LYPD6B: variants seen among roughly 807,000 people sequenced by gnomAD.
LYPD6B encodes LY6/PLAUR domain containing 6B, also known as ly6/PLAUR domain-containing protein 6B.
In LYPD6B, 17 loss-of-function variants were observed where a neutral mutation model predicts 22.8. The ratio of observed to expected loss-of-function variants is 0.75; its 90% CI spans 0.51 to 1.12. LYPD6B has a LOEUF of 1.12. Ranked by LOEUF, LYPD6B falls within the 50% of genes most tolerant of loss-of-function variation. The pLI, the probability that LYPD6B is intolerant of heterozygous loss-of-function variation, is 0.00. For synonymous variants in LYPD6B, 106 were observed against 91.6 expected (o/e 1.16, Z -0.90); for missense variants, 221 against 258.3 (o/e 0.86, Z 0.99).
intron 3 of LYPD6B, among the ~76,000 whole-genome samples, chr2:149,179,645 A>T (rs1691569558): frequency 6.6e-6 from 1 of 152,240 alleles, no homozygotes. Flanking sequence ...CAGTTCGCAG[A>T]GACCTGCTAA....
At chr2:149,129,808 T>C (rs546039179) in intron 1 of LYPD6B, among the ~76,000 whole-genome samples, 1 of 152,350 alleles carries the variant, frequency 6.6e-6, no homozygotes, top group Admixed American at 6.5e-5. Flanking sequence ...ATCTTTGTAT[T>C]GTTCATTTCT....
At chr2:149,131,321 T>G in intron 2 of LYPD6B, 1 of 211,328 alleles carries the variant, frequency 4.7e-6, no homozygotes, top group Non-Finnish European at 9.3e-6. Context: ...AGTCCTAATC[T>G]TGTGGTTCTG....
chr2:149,214,922 G>T lies in LYPD6B; in HGVS notation c.*212G>T, dbSNP rs984891688. The T allele has an allele frequency of 5.2e-6, 3 of 571,976 alleles. No homozygotes were observed. Among genetic ancestry groups the T allele is most frequent in the Non-Finnish European group, 9.3e-6 (3 of 322,278 alleles). 35.4% of individuals were successfully genotyped at this position (571,976 alleles called of 1,614,324 possible). Reference sequence around the variant, plus strand: ...GAATTTGGCAGGGCCTGAGAAGATGGTCTGACTTCCAGGCTTCCTGGTCAA... The same window carrying T: ...GAATTTGGCAGGGCCTGAGAAGATGTTCTGACTTCCAGGCTTCCTGGTCAA... On this transcript the variant is annotated 3_prime_UTR_variant, in exon 7 of 7. Coordinates refer to ENST00000409642, the MANE Select transcript of LYPD6B (RefSeq NM_177964.5).
intron 1 of LYPD6B, among the ~76,000 whole-genome samples, chr2:149,091,112 G>C (rs1379097659): frequency 3.3e-5 from 5 of 151,962 alleles, no homozygotes; most frequent in Non-Finnish European, 7.4e-5. Flanking sequence ...TAGCTTTGGG[G>C]GAACTCTTGA....
intron 1 of LYPD6B, 57 bp from the exon 2 acceptor site, chr2:149,130,826 A>G (rs1464037824): frequency 2.6e-6 from 2 of 777,232 alleles, no homozygotes; most frequent in Middle Eastern, 2.3e-4. Context: ...AAATCCCTTT[A>G]TCCCAAATGT....
At chr2:149,145,317 G>A (rs1306034628) in intron 2 of LYPD6B, among the ~76,000 whole-genome samples, 5 of 152,154 alleles carry the variant, frequency 3.3e-5, no homozygotes, top group Non-Finnish European at 7.3e-5. Context: ...ACATGCAGTT[G>A]CGCTCTTGAG....
At chr2:149,189,580 T>C (rs769877490) in intron 3 of LYPD6B, among the ~76,000 whole-genome samples, 2 of 151,774 alleles carry the variant, frequency 1.3e-5, no homozygotes, top group Non-Finnish European at 2.9e-5. Context: ...AAAAAGTTGG[T>C]GCCTGTTGGT....
intron 1 of LYPD6B, among the ~76,000 whole-genome samples, chr2:149,060,694 C>G (rs995521867): frequency 1.3e-5 from 2 of 152,118 alleles, no homozygotes; most frequent in African/African-American, 2.4e-5. Flanking sequence ...AGGAAACTTG[C>G]AATCCTCTTA....
intron 4 of LYPD6B, 65 bp from the exon 5 acceptor site, chr2:149,208,249 A>G: frequency 3.7e-6 from 4 of 1,095,384 alleles, no homozygotes; most frequent in South Asian, 1.3e-5. Flanking sequence ...ATTTTGTACC[A>G]TGTTTGATGT....
intron 3 of LYPD6B, among the ~76,000 whole-genome samples, chr2:149,181,497 GATT>G (rs1691717226): frequency 6.6e-6 from 1 of 152,130 alleles, no homozygotes; most frequent in Non-Finnish European, 1.5e-5. Flanking sequence ...CTCTCTGCTG[GATT>G]CCAGAAACCC....
intron 3 of LYPD6B, among the ~76,000 whole-genome samples, chr2:149,176,024 G>A (rs944426661): frequency 1.3e-5 from 2 of 152,184 alleles, no homozygotes; most frequent in Non-Finnish European, 2.9e-5. Flanking sequence ...ACATCAGCCA[G>A]TAACATAGTC....
intron 1 of LYPD6B, among the ~76,000 whole-genome samples, chr2:149,084,107 A>AAT (rs1399394433): frequency 6.6e-6 from 1 of 151,902 alleles, no homozygotes; most frequent in African/African-American, 2.4e-5. Flanking sequence ...TCAAAAATAA[A>AAT]ATAAAATAAA....
intron 3 of LYPD6B, among the ~76,000 whole-genome samples, chr2:149,189,887 T>A (rs11676178): frequency 0.3 from 45,710 of 152,118 alleles, 8,667 homozygotes; most frequent in East Asian, 0.56. Flanking sequence ...TTGTACCATC[T>A]GCTGTTTGAA....
intron 3 of LYPD6B, among the ~76,000 whole-genome samples, chr2:149,183,601 T>G (rs1044978487): frequency 6.6e-6 from 1 of 152,162 alleles, no homozygotes; most frequent in Non-Finnish European, 1.5e-5. Context: ...ATTACTGGCA[T>G]TTTAGAATAC....
chr2:149,129,362 A>G (rs546826044), intron 1 of LYPD6B, among the ~76,000 whole-genome samples: 1 of 152,212 alleles, frequency 6.6e-6, no homozygotes, highest in South Asian at 2.1e-4. Flanking sequence ...ATGTTTCTTG[A>G]GAGTGTGGCC....
At chr2:149,065,975 G>T (rs907071109) in intron 1 of LYPD6B, among the ~76,000 whole-genome samples, 1 of 152,034 alleles carries the variant, frequency 6.6e-6, no homozygotes, top group Non-Finnish European at 1.5e-5. Flanking sequence ...GCTTCCCAAA[G>T]TGTCGGGATT....
At chr2:149,187,324 G>A in intron 3 of LYPD6B, 2 of 1,244,044 alleles carry the variant, frequency 1.6e-6, no homozygotes, top group South Asian at 3.9e-5. Context: ...GAAGTGTATT[G>A]CATATATTTA....
chr2:149,053,964 G>A (rs996091434), intron 1 of LYPD6B, among the ~76,000 whole-genome samples: 2 of 152,258 alleles, frequency 1.3e-5, no homozygotes, highest in Admixed American at 6.5e-5. Context: ...ATAATATTCC[G>A]TTGTACGAAT....
intron 5 of LYPD6B, among the ~76,000 whole-genome samples, chr2:149,211,338 G>A (rs777617194): frequency 1.3e-5 from 2 of 152,140 alleles, no homozygotes; most frequent in Non-Finnish European, 2.9e-5. Context: ...GTAGAATAAT[G>A]TTCTGGTTAA....
Sources: allele counts gnomAD v4.1 joint callset (sites outside exome capture counted in the v4.1 genomes callset), GRCh38; gene constraint gnomAD v4.1.1; transcripts MANE v1.5; gene names NCBI Gene and HGNC (gene_info 2026-07-23, HGNC 2026-07-21).